The following IFT172 variants were observed in gnomAD, a reference collection of about 807,000 sequenced individuals.
IFT172 encodes intraflagellar transport 172.
IFT172 carries 164 observed loss-of-function variants against 248.9 expected under a neutral mutation model. The ratio of observed to expected loss-of-function variants is 0.66; its 90% CI spans 0.58 to 0.75. The LOEUF (loss-of-function observed/expected upper bound fraction) is 0.75, where lower values mean the gene tolerates loss of function less well. IFT172 is among the 30% of genes least tolerant of loss of function. The pLI is 0.00. For missense variants in IFT172, 1,950 were observed against 2,192.4 expected, an observed-to-expected ratio of 0.89 and a Z score of 2.21; for synonymous variants, 729 against 791.6, an observed-to-expected ratio of 0.92 and a Z score of 1.33.
At chr2:27,469,686 G>C (rs1667401020) in intron 16 of IFT172, among the ~76,000 whole-genome samples, 1 of 152,178 alleles carries the variant, frequency 6.6e-6, no homozygotes, top group Non-Finnish European at 1.5e-5. Flanking sequence ...ACAAAAATTA[G>C]CTGGGCATGG....
In IFT172 at chr2:27,485,405, A is replaced by G; in HGVS notation, c.138T>C (p.His46=). 1.9e-6 allele frequency: 3 copies of G among 1,614,188 alleles called. No individual in the cohort carries two copies. The highest frequency in any genetic ancestry group is 2.5e-6 in the Non-Finnish European group (3 of 1,180,038). ...TGGAGAATTTATCTCTCCGTTCTCC[A>G]TGTTCATCATACAGCAAGACCACTC... ...VDRVVLLYDE[H]GERRDKFSTK... is the part of the protein sequence containing the mutation. Residue 46 remains histidine, a synonymous_variant, in exon 2 of 48, where the codon CAT becomes CAC. Coordinates refer to ENST00000260570, the MANE Select transcript of IFT172 (RefSeq NM_015662.3).
chr2:27,474,146 T>A (rs1667797336), intron 14 of IFT172, among the ~76,000 whole-genome samples: 5 of 152,208 alleles, frequency 3.3e-5, no homozygotes, highest in Admixed American at 3.3e-4. Context: ...AAATGAGACC[T>A]ACAGAGTGAA....
Position 27,483,621 on chromosome 2 carries a change from G to A in IFT172, c.441C>T (p.Thr147=), listed in dbSNP as rs749599358. The change falls in exon 6 of 48, where the codon ACC becomes ACT. Residue 147 remains threonine (T), a synonymous_variant. Transcript: ENST00000260570. ...LANTKTNKSS[T]IYGTESYVVS... Reference sequence around the variant, plus strand: ...CCACGTAAGACTCTGTCCCATAGATGGTAGATGATTTATTAGTTTTGGTGT... The same window carrying A: ...CCACGTAAGACTCTGTCCCATAGATAGTAGATGATTTATTAGTTTTGGTGT... 6.2e-7 allele frequency: 1 copy of A among 1,614,066 alleles called. No individual in the cohort carries two copies. Among genetic ancestry groups the A allele is most frequent in the Non-Finnish European group, 8.5e-7 (1 of 1,180,010 alleles).
chr2:27,478,170 A>G lies in IFT172; in HGVS notation c.1006-14T>C. ...CTTCACAATCACCTTGGTAAAGGAC[A>G]AGTGTGAGCCCCTTAGGCTTCCCCA... On this transcript the variant is annotated splice_polypyrimidine_tract_variant and intron_variant, in intron 10 of 47. Transcript: ENST00000260570. 1.2e-6 allele frequency: 2 copies of G among 1,614,090 alleles called. No individual in the cohort carries two copies. Among genetic ancestry groups the G allele is most frequent in the South Asian group, 2.2e-5 (2 of 91,082 alleles).
chr2:27,465,547 G>A, intron 17 of IFT172, 29 bp from the exon 18 acceptor site: 2 of 1,603,508 alleles, frequency 1.2e-6, no homozygotes, highest in Non-Finnish European at 1.7e-6. Flanking sequence ...AAAGCATAAT[G>A]AATGAGGAAT....
At chr2:27,472,210 T>C (rs772518286) in intron 15 of IFT172, 40 bp downstream of exon 15, 35 of 1,447,394 alleles carry the variant, frequency 2.4e-5, no homozygotes, top group Non-Finnish European at 3.0e-5. Flanking sequence ...ACACCCTCTG[T>C]GGGCCAGCCA....
At chr2:27,448,351 G>A (rs1334897531) in intron 40 of IFT172, among the ~76,000 whole-genome samples, 4 of 152,250 alleles carry the variant, frequency 2.6e-5, no homozygotes, top group East Asian at 3.9e-4. Flanking sequence ...CGCCTGCCTC[G>A]GCCTCCCAAA....
Position 27,453,620 on chromosome 2 carries a change from G to A in IFT172, c.3821+10C>T, listed in dbSNP as rs1665901812. On this transcript the variant is annotated intron_variant, in intron 34 of 47. Transcript: ENST00000260570. Reference sequence around the variant, plus strand: ...CCCTGCCAATGCTGCCTGGACCTCTGGCCTCATACCTGGCCCCCTTCTTAG... The same window carrying A: ...CCCTGCCAATGCTGCCTGGACCTCTAGCCTCATACCTGGCCCCCTTCTTAG... The A allele has an allele frequency of 1.9e-6, 3 of 1,609,918 alleles. No homozygotes were observed. Among genetic ancestry groups the A allele is most frequent in the Non-Finnish European group, 2.5e-6 (3 of 1,177,342 alleles).
chr2:27,472,908 G>A (rs1279646292), intron 14 of IFT172, among the ~76,000 whole-genome samples: 2 of 152,144 alleles, frequency 1.3e-5, no homozygotes, highest in Non-Finnish European at 2.9e-5. Flanking sequence ...GGCTGGGATG[G>A]TTTCAGGGGG....
chr2:27,483,827 T>C, intron 5 of IFT172, 45 bp downstream of exon 5: 2 of 1,530,286 alleles, frequency 1.3e-6, no homozygotes, highest in Non-Finnish European at 1.8e-6. Flanking sequence ...TCCAGAACCA[T>C]TATCCCTACC....
chr2:27,459,775 G>C lies in IFT172; in HGVS notation c.2576C>G (p.Ala859Gly). ...FPVEVVKLEE[A>G]WGDHLVQQKQ... ...CTGCTGCACCAGGTGGTCCCCCCATGCCTCCTCTAGTTTCACCACCTCCAC... is the reference window on the plus strand; with the variant it reads ...CTGCTGCACCAGGTGGTCCCCCCATCCCTCCTCTAGTTTCACCACCTCCAC... Residue 859 changes from alanine to glycine, a missense_variant, in exon 24 of 48, where the codon GCA becomes GGA. Ala to Gly is a moderately conservative substitution (Grantham distance 60). Transcript: ENST00000260570. 6.2e-7 allele frequency: 1 copy of C among 1,612,900 alleles called. No homozygotes were observed. The highest frequency in any genetic ancestry group is 8.5e-7 in the Non-Finnish European group (1 of 1,180,040).
At chr2:27,480,875 G>A (rs1412018934) in intron 8 of IFT172, among the ~76,000 whole-genome samples, 171 bp downstream of exon 8, 1 of 152,124 alleles carries the variant, frequency 6.6e-6, no homozygotes, top group Non-Finnish European at 1.5e-5. Flanking sequence ...GGACATTTTG[G>A]AACTGCCAGC....
rs1186956751 is a variant in IFT172 at position 27,454,448 on chromosome 2, A to G, written c.3466-30T>C. The G allele has an allele frequency of 2.5e-6, 4 of 1,614,136 alleles. No homozygotes were observed. The highest frequency in any genetic ancestry group is 3.4e-6 in the Non-Finnish European group (4 of 1,180,034). ...AGGGAGAGAAAGGCAGCCGTGCATG[A>G]TGAGAAGGAGACTGGCATCACAGGC... On this transcript the variant is annotated intron_variant, in intron 31 of 47. Coordinates refer to ENST00000260570, the MANE Select transcript of IFT172 (RefSeq NM_015662.3). The surrounding 1 kb of genome is among the most constrained non-coding windows in gnomAD (Gnocchi z 4.2).
At position 27,462,248 on chromosome 2, in the gene IFT172, G is replaced by A. The variant is rs140133783; in HGVS notation, c.2116-412C>T. Among the ~76,000 whole-genome samples, 615 of 152,246 alleles carry A rather than the reference G, an allele frequency of 4.0e-3. 7 individuals carry two copies. Among genetic ancestry groups the A allele is most frequent in the Middle Eastern group, 0.017 (5 of 294 alleles). ...GGGGTTTCACCATGTGGCCAGGCTGGTCTTGAACTCCTGACCTCATGTGAT... is the reference window on the plus strand; with the variant it reads ...GGGGTTTCACCATGTGGCCAGGCTGATCTTGAACTCCTGACCTCATGTGAT... On this transcript the variant is annotated intron_variant, in intron 20 of 47. Transcript: ENST00000260570.
intron 15 of IFT172, 63 bp downstream of exon 15, chr2:27,472,187 G>T: frequency 8.9e-7 from 1 of 1,129,364 alleles, no homozygotes; most frequent in Non-Finnish European, 1.4e-6. Context: ...AGTCCCTGGT[G>T]GCAGCTTGTC....
chr2:27,478,169 C>A lies in IFT172; in HGVS notation c.1006-13G>T. ...TCTTCACAATCACCTTGGTAAAGGA[C>A]AAGTGTGAGCCCCTTAGGCTTCCCC... On this transcript the variant is annotated splice_polypyrimidine_tract_variant and intron_variant, in intron 10 of 47. Transcript: ENST00000260570. 6.2e-7 allele frequency: 1 copy of A among 1,614,012 alleles called. No individual in the cohort carries two copies. Among genetic ancestry groups the A allele is most frequent in the Admixed American group, 1.7e-5 (1 of 60,012 alleles).
chr2:27,445,146 G>C lies in IFT172; in HGVS notation c.5069-41C>G. On this transcript the variant is annotated intron_variant, in intron 46 of 47. Transcript: ENST00000260570. The surrounding 1 kb of genome is among the most constrained non-coding windows in gnomAD (Gnocchi z 4.4). The stretch of plus-strand genomic sequence containing the variant: ...AAATGATGAACTGGGGTTTGAGAGA[G>C]ATTGAGGAGGGAAAAATGAGGAGCA... The C allele has an allele frequency of 6.2e-7, 1 of 1,610,904 alleles. No individual in the cohort carries two copies. The highest frequency in any genetic ancestry group is 1.1e-5 in the South Asian group (1 of 90,688).
Position 27,458,826 on chromosome 2 carries a change from C to T in IFT172, c.2830G>A (p.Ala944Thr), listed in dbSNP as rs1212261759. 5 of 1,614,080 alleles carry T rather than the reference C, an allele frequency of 3.1e-6. No homozygotes were observed. The African/African-American group carries it at 5.3e-5, about 17-fold the overall frequency. Reference sequence around the variant, plus strand: ...CCAGCCTGGGTGTACATGTCTATGGCATCTTTTGTCCGATCTCCCTTAGTA... The same window carrying T: ...CCAGCCTGGGTGTACATGTCTATGGTATCTTTTGTCCGATCTCCCTTAGTA... ...LYTKGDRTKD[A>T]IDMYTQAGRW... Residue 944 changes from alanine to threonine, a missense_variant, in exon 26 of 48, where the codon GCC (alanine) becomes ACC (threonine). Ala to Thr is a moderately conservative substitution (Grantham distance 58, BLOSUM62 0). This residue lies in a region of IFT172 where 1,166 missense variants were observed against 1,254.1 expected (regional missense o/e 0.93). Transcript: ENST00000260570.
chr2:27,465,675 C>T, intron 17 of IFT172, 71 bp downstream of exon 17: 6 of 1,599,858 alleles, frequency 3.8e-6, no homozygotes, highest in Non-Finnish European at 5.1e-6. Context: ...AGTTTTACAC[C>T]CCACCCCAGG....
Sources: allele counts gnomAD v4.1 joint callset (sites outside exome capture counted in the v4.1 genomes callset), GRCh38; gene constraint gnomAD v4.1.1; regional missense constraint gnomAD v4.1.1; non-coding constraint Gnocchi (gnomAD v3.1); transcripts MANE v1.5; gene names NCBI Gene and HGNC (gene_info 2026-07-23, HGNC 2026-07-21).